Variants in SP4 observed in about 807,000 individuals in gnomAD.
SP4 encodes the protein Sp4 transcription factor.
SP4 carries 19 observed loss-of-function variants against 72.8 expected under a neutral mutation model. The observed-to-expected ratio is 0.26, with a 90% CI of 0.18 to 0.38. The LOEUF is 0.38. Ranked by LOEUF, SP4 falls within the 10% of genes least tolerant of loss-of-function variation. The probability of loss-of-function intolerance (pLI) is 1.00; values close to 1 mark genes in which losing one functional copy is unlikely to be tolerated. For synonymous variants in SP4, 395 were observed against 333.1 expected (o/e 1.19, Z -2.02); for missense variants, 1,008 against 926.3 (o/e 1.09, Z -1.14).
chr7:21,506,262 A>G (rs900382307), intron 5 of SP4, among the ~76,000 whole-genome samples: 6 of 152,170 alleles, frequency 3.9e-5, no homozygotes, highest in African/African-American at 1.4e-4. Context: ...CTGCCCCAGT[A>G]TCAACCAAAA....
chr7:21,507,812 C>G (rs1782039362), intron 5 of SP4, among the ~76,000 whole-genome samples: 1 of 152,114 alleles, frequency 6.6e-6, no homozygotes, highest in African/African-American at 2.4e-5. Context: ...CTCAGCACCC[C>G]CTACTGGAGG....
At chr7:21,480,503 A>G (rs146251405) in intron 4 of SP4, among the ~76,000 whole-genome samples, 1,813 of 152,270 alleles carry the variant, frequency 0.012, 39 homozygotes, top group African/African-American at 0.041. Context: ...TGAGTTACCC[A>G]AGTAATTGCC....
intron 4 of SP4, among the ~76,000 whole-genome samples, chr7:21,478,243 A>G (rs1296063895): frequency 2.6e-5 from 4 of 152,160 alleles, no homozygotes; most frequent in Non-Finnish European, 4.4e-5. Flanking sequence ...TGGATATACA[A>G]TATTTTTGTT....
intron 5 of SP4, among the ~76,000 whole-genome samples, chr7:21,497,929 A>G (rs1202712240): frequency 6.6e-6 from 1 of 152,220 alleles, no homozygotes; most frequent in East Asian, 1.9e-4. Context: ...AGTTTCTCAG[A>G]ACTGCCTATC....
intron 3 of SP4, among the ~76,000 whole-genome samples, chr7:21,471,404 A>T (rs1259021618): frequency 3.3e-5 from 5 of 152,254 alleles, no homozygotes; most frequent in Non-Finnish European, 7.3e-5. Flanking sequence ...TGATCAACAT[A>T]GATAATGTAT....
chr7:21,467,573 A>G (rs1479602255), intron 3 of SP4, among the ~76,000 whole-genome samples: 24 of 152,132 alleles, frequency 1.6e-4, no homozygotes, highest in Admixed American at 1.6e-3. Flanking sequence ...GTTTAGGAAT[A>G]TACATCCTGC....
At chr7:21,445,232 T>C (rs979001901) in intron 3 of SP4, among the ~76,000 whole-genome samples, 1 of 152,138 alleles carries the variant, frequency 6.6e-6, no homozygotes, top group Non-Finnish European at 1.5e-5. Context: ...TTTTCATTAA[T>C]AGTTGTAAAA....
intron 3 of SP4, among the ~76,000 whole-genome samples, chr7:21,461,443 G>A (rs1261203551): frequency 6.6e-6 from 1 of 152,176 alleles, no homozygotes; most frequent in East Asian, 1.9e-4. Context: ...AGTACTGCTG[G>A]GGGACCCGGC....
chr7:21,469,128 C>A (rs1188057994), intron 3 of SP4, among the ~76,000 whole-genome samples: 1 of 152,066 alleles, frequency 6.6e-6, no homozygotes, highest in Non-Finnish European at 1.5e-5. Flanking sequence ...TCTAACAGTA[C>A]AGTAATGGCT....
chr7:21,432,485 A>T (rs1056624642), intron 3 of SP4, among the ~76,000 whole-genome samples: 2 of 152,230 alleles, frequency 1.3e-5, no homozygotes, highest in Admixed American at 6.5e-5. Flanking sequence ...GTTAGAAGTA[A>T]TCAATTTTTC....
In SP4 at chr7:21,511,760, C is replaced by T. The variant is rs934168722; in HGVS notation, c.*491C>T. On this transcript the variant is annotated 3_prime_UTR_variant, in exon 6 of 6. Coordinates refer to ENST00000222584, the MANE Select transcript of SP4 (RefSeq NM_003112.5). The stretch of plus-strand genomic sequence containing the variant: ...TTAGCTTGATTTTTGGAAAATCAAC[C>T]GAAAATAGTTTGGCCGTCTTTTCTA... 3.2e-5 allele frequency: 5 copies of T among 154,124 alleles called. No individual in the cohort carries two copies. The East Asian group carries it at 7.7e-4, about 24-fold the overall frequency. 9.5% of individuals were successfully genotyped at this position (154,124 alleles called of 1,614,324 possible).
rs564345110 is a variant in SP4 at position 21,513,144 on chromosome 7, T to C, written c.*1875T>C. On this transcript the variant is annotated 3_prime_UTR_variant, in exon 6 of 6. Coordinates refer to ENST00000222584, the MANE Select transcript of SP4 (RefSeq NM_003112.5). The stretch of plus-strand genomic sequence containing the variant: ...TACTAATGCGAATTCTCTTCCAAAA[T>C]TGTGATGTTTCTTGTATTTTTGATG... The C allele has an allele frequency of 1.3e-5, 2 of 152,766 alleles. No homozygotes were observed. Among genetic ancestry groups the C allele is most frequent in the Admixed American group, 1.3e-4 (2 of 15,310 alleles). The allele number at this position is 152,766 out of a possible 1,614,324, so 9.5% of individuals were successfully genotyped here.
intron 3 of SP4, among the ~76,000 whole-genome samples, chr7:21,475,982 C>T (rs1425454908): frequency 6.6e-6 from 1 of 151,986 alleles, no homozygotes; most frequent in Non-Finnish European, 1.5e-5. Context: ...AATTATAAGG[C>T]ATTGTAGGCC....
At chr7:21,477,690 G>A (rs1353900593) in intron 4 of SP4, among the ~76,000 whole-genome samples, 1 of 151,926 alleles carries the variant, frequency 6.6e-6, no homozygotes, top group Non-Finnish European at 1.5e-5. Flanking sequence ...ACAGGTGCCC[G>A]CCACCACACC....
At chr7:21,454,913 G>A (rs1302759042) in intron 3 of SP4, among the ~76,000 whole-genome samples, 1 of 152,204 alleles carries the variant, frequency 6.6e-6, no homozygotes, top group African/African-American at 2.4e-5. Flanking sequence ...CCCATTACCT[G>A]ACAGGATTTG....
In SP4 at chr7:21,430,758, T is replaced by C. The variant is rs1583369521; in HGVS notation, c.1593T>C (p.Pro531=). The change falls in exon 3 of 6, where the codon CCT becomes CCC. Residue 531 remains proline (P), a synonymous_variant. Coordinates refer to ENST00000222584, the MANE Select transcript of SP4 (RefSeq NM_003112.5). ...TLNTAQLASV[P]NLQTVSVANL... ...ATACTGCCCAGCTTGCATCAGTGCC[T>C]AACCTTCAGACAGTGAGCGTTGCCA... The C allele has an allele frequency of 6.2e-7, 1 of 1,614,240 alleles. No homozygotes were observed. Among genetic ancestry groups the C allele is most frequent in the Middle Eastern group, 1.6e-4 (1 of 6,062 alleles).
intron 3 of SP4, among the ~76,000 whole-genome samples, chr7:21,465,808 A>T (rs1300849079): frequency 1.3e-5 from 2 of 151,980 alleles, no homozygotes; most frequent in African/African-American, 4.8e-5. Context: ...GATTACAGTG[A>T]GCTATGATTG....
At chr7:21,508,488 AGCT>A (rs1167439936) in intron 5 of SP4, among the ~76,000 whole-genome samples, 5 of 152,088 alleles carry the variant, frequency 3.3e-5, no homozygotes, top group Admixed American at 2.0e-4. Context: ...CACCACGCCC[AGCT>A]ACTTTTTTTG....
intron 3 of SP4, among the ~76,000 whole-genome samples, chr7:21,472,398 C>G (rs1784373230): frequency 6.6e-6 from 1 of 152,082 alleles, no homozygotes; most frequent in Non-Finnish European, 1.5e-5. Flanking sequence ...GATCCTCTCA[C>G]CTCAGCACCT....
Sources: allele counts gnomAD v4.1 joint callset (sites outside exome capture counted in the v4.1 genomes callset), GRCh38; gene constraint gnomAD v4.1.1; transcripts MANE v1.5; gene names NCBI Gene and HGNC (gene_info 2026-07-23, HGNC 2026-07-21).